The following SH3RF3 variants were observed in gnomAD, a reference collection of about 807,000 sequenced individuals.
SH3RF3 encodes the protein E3 ubiquitin-protein ligase SH3RF3.
In SH3RF3, 29 loss-of-function variants were observed where a neutral mutation model predicts 66.3. The observed-to-expected ratio is 0.44, with a 90% CI of 0.33 to 0.60. The LOEUF is 0.60. SH3RF3 is among the 20% of genes least tolerant of loss of function. The pLI, the probability that SH3RF3 is intolerant of heterozygous loss-of-function variation, is 0.04. For synonymous variants in SH3RF3, 583 were observed against 532.0 expected, an observed-to-expected ratio of 1.10 and a Z score of -1.32; for missense variants, 1,194 against 1,190.9, an observed-to-expected ratio of 1.00 and a Z score of -0.04.
At chr2:109,265,855 A>C (rs543827135) in intron 1 of SH3RF3, among the ~76,000 whole-genome samples, 285 of 152,348 alleles carry the variant, frequency 1.9e-3, no homozygotes, top group Non-Finnish European at 3.5e-3. Context: ...GGGGGTGGAC[A>C]CCACTGAGCT....
chr2:109,370,125 G>C (rs1240007812), intron 2 of SH3RF3, among the ~76,000 whole-genome samples: 1 of 152,246 alleles, frequency 6.6e-6, no homozygotes, highest in Admixed American at 6.5e-5. Context: ...TTCCGGAGAA[G>C]GGAACAGAGG....
intron 8 of SH3RF3, among the ~76,000 whole-genome samples, chr2:109,489,320 C>T (rs1679065797): frequency 6.6e-6 from 1 of 152,224 alleles, no homozygotes. Flanking sequence ...ATCCCACAGC[C>T]ACAGGCCCCC....
intron 1 of SH3RF3, among the ~76,000 whole-genome samples, chr2:109,179,406 C>T (rs905219666): frequency 2.0e-5 from 3 of 152,100 alleles, no homozygotes; most frequent in African/African-American, 7.2e-5. Flanking sequence ...AGTGGTGGCT[C>T]GGAGCTGGGG....
At chr2:109,372,434 G>T (rs1008992874) in intron 3 of SH3RF3, among the ~76,000 whole-genome samples, 2 of 152,200 alleles carry the variant, frequency 1.3e-5, no homozygotes, top group Non-Finnish European at 2.9e-5. Flanking sequence ...ATGCTTTCAT[G>T]CTGTAACCAC....
intron 2 of SH3RF3, among the ~76,000 whole-genome samples, chr2:109,369,318 C>T (rs1488918603): frequency 2.0e-5 from 3 of 152,026 alleles, no homozygotes; most frequent in Non-Finnish European, 4.4e-5. Flanking sequence ...CATTGCACTC[C>T]AGTCTGGCGA....
chr2:109,394,721 G>A (rs1676093637), intron 3 of SH3RF3, among the ~76,000 whole-genome samples: 1 of 152,230 alleles, frequency 6.6e-6, no homozygotes, highest in Non-Finnish European at 1.5e-5. Flanking sequence ...CATGCAGATA[G>A]AGCCACTGGA....
At chr2:109,144,102 A>G (rs958965591) in intron 1 of SH3RF3, among the ~76,000 whole-genome samples, 3 of 152,210 alleles carry the variant, frequency 2.0e-5, no homozygotes, top group African/African-American at 7.2e-5. Context: ...TATAAGATGA[A>G]TGAATTCTGG....
intron 8 of SH3RF3, among the ~76,000 whole-genome samples, chr2:109,490,143 C>G (rs144538169): frequency 2.4e-4 from 37 of 152,356 alleles, no homozygotes; most frequent in African/African-American, 8.7e-4. Flanking sequence ...TCTCACCCTT[C>G]TACCCATCTT....
At chr2:109,374,791 G>T (rs1359466577) in intron 3 of SH3RF3, among the ~76,000 whole-genome samples, 2 of 152,222 alleles carry the variant, frequency 1.3e-5, no homozygotes, top group Non-Finnish European at 2.9e-5. Flanking sequence ...GCGCACAGCT[G>T]CCCTATGGGG....
intron 1 of SH3RF3, 61 bp downstream of exon 1, chr2:109,130,174 G>A (rs1321172722): frequency 1.6e-6 from 2 of 1,243,338 alleles, no homozygotes; most frequent in East Asian, 3.2e-5. Flanking sequence ...TGGGTGCTTG[G>A]GCGTGGGGGG....
At chr2:109,260,343 C>A (rs1216737080) in intron 1 of SH3RF3, among the ~76,000 whole-genome samples, 1 of 152,154 alleles carries the variant, frequency 6.6e-6, no homozygotes, top group Non-Finnish European at 1.5e-5. Flanking sequence ...GTGAGGGAGA[C>A]CTGTGACCCG....
At chr2:109,499,363 AT>A (rs1037711866) in intron 9 of SH3RF3, among the ~76,000 whole-genome samples, 8 of 152,144 alleles carry the variant, frequency 5.3e-5, no homozygotes, top group Admixed American at 3.9e-4. Context: ...GGCAGAGAGA[AT>A]AGCTGCACCC....
intron 7 of SH3RF3, among the ~76,000 whole-genome samples, chr2:109,443,977 A>G (rs1047397898): frequency 1.3e-5 from 2 of 152,224 alleles, no homozygotes; most frequent in Admixed American, 6.5e-5. Context: ...ACTGAGATAG[A>G]TTATGTACTG....
chr2:109,199,127 A>G (rs1678578303), intron 1 of SH3RF3, among the ~76,000 whole-genome samples: 1 of 151,944 alleles, frequency 6.6e-6, no homozygotes, highest in Admixed American at 6.6e-5. Context: ...TGGGAGGCTG[A>G]GGCGGGTGGA....
chr2:109,200,852 G>A (rs35471221), intron 1 of SH3RF3, among the ~76,000 whole-genome samples: 40,682 of 152,160 alleles, frequency 0.27, 5,821 homozygotes, highest in East Asian at 0.47. Flanking sequence ...CCCTAAGTGC[G>A]GCCTCTCAGC....
At chr2:109,148,132 T>A (rs974081349) in intron 1 of SH3RF3, among the ~76,000 whole-genome samples, 3 of 152,222 alleles carry the variant, frequency 2.0e-5, no homozygotes, top group African/African-American at 7.2e-5. Context: ...GTGTGGCCTT[T>A]TGGTCTCATG....
chr2:109,305,746 A>C (rs956015965), intron 1 of SH3RF3, among the ~76,000 whole-genome samples: 2 of 152,214 alleles, frequency 1.3e-5, no homozygotes, highest in African/African-American at 4.8e-5. Context: ...CATTCCAGGC[A>C]GTGTTCTCTG....
At chr2:109,432,886 T>C (rs10178517) in intron 6 of SH3RF3, among the ~76,000 whole-genome samples, 12,237 of 152,320 alleles carry the variant, frequency 0.08, 513 homozygotes, top group South Asian at 0.1. Context: ...TCAGCAGACA[T>C]TGGCCACCAA....
chr2:109,210,182 A>G (rs770879175), intron 1 of SH3RF3, among the ~76,000 whole-genome samples: 27 of 152,184 alleles, frequency 1.8e-4, no homozygotes, highest in Non-Finnish European at 3.4e-4. Flanking sequence ...TGGCTAGACC[A>G]CATTTTGTGT....
Sources: allele counts gnomAD v4.1 joint callset (sites outside exome capture counted in the v4.1 genomes callset), GRCh38; gene constraint gnomAD v4.1.1; transcripts MANE v1.5; gene names NCBI Gene and HGNC (gene_info 2026-07-23, HGNC 2026-07-21).